The following CES5A variants were observed in gnomAD, a reference collection of about 807,000 sequenced individuals.
The protein encoded by CES5A is carboxylesterase 5.
CES5A carries 67 observed loss-of-function variants against 62.9 expected under a neutral mutation model. The ratio of observed to expected loss-of-function variants is 1.07; its 90% CI spans 0.88 to 1.31. CES5A has a LOEUF of 1.31. CES5A is among the 50% of genes most tolerant of loss of function. The probability of loss-of-function intolerance (pLI) is 0.00; values close to 1 mark genes in which losing one functional copy is unlikely to be tolerated. For missense variants in CES5A, 748 were observed against 708.5 expected (o/e 1.06, Z -0.63); for synonymous variants, 296 against 280.8 (o/e 1.05, Z -0.54).
intron 1 of CES5A, among the ~76,000 whole-genome samples, chr16:55,896,414 T>C (rs1163068407): frequency 6.6e-6 from 1 of 152,234 alleles, no homozygotes; most frequent in African/African-American, 2.4e-5. Context: ...ACATGCCTGC[T>C]CCTTTTCCAC....
At chr16:55,858,592 T>C (rs1262716496) in intron 8 of CES5A, among the ~76,000 whole-genome samples, 2 of 152,212 alleles carry the variant, frequency 1.3e-5, no homozygotes, top group Non-Finnish European at 2.9e-5. Flanking sequence ...AAATTAATAA[T>C]GGCAGAACAT....
At chr16:55,891,714 T>A (rs569126803) in intron 1 of CES5A, among the ~76,000 whole-genome samples, 4 of 152,330 alleles carry the variant, frequency 2.6e-5, no homozygotes, top group African/African-American at 9.6e-5. Context: ...GCCTAAACAG[T>A]TCCCAGCTTG....
At chr16:55,881,142 C>T (rs560598735) in intron 1 of CES5A, among the ~76,000 whole-genome samples, 1 of 152,290 alleles carries the variant, frequency 6.6e-6, no homozygotes, top group South Asian at 2.1e-4. Context: ...CTAGGAGACA[C>T]AAGACACTTG....
intron 1 of CES5A, among the ~76,000 whole-genome samples, chr16:55,951,018 C>T (rs2034550645): frequency 7.2e-6 from 1 of 138,080 alleles, no homozygotes; most frequent in African/African-American, 2.7e-5. Flanking sequence ...AGGAGAATGG[C>T]ATGAACCTGG....
At chr16:55,874,461 T>G (rs188093164) in intron 1 of CES5A, among the ~76,000 whole-genome samples, 3 of 151,274 alleles carry the variant, frequency 2.0e-5, no homozygotes, top group Non-Finnish European at 4.4e-5. Flanking sequence ...GTGCAGCACC[T>G]GCATGATTGC....
chr16:55,871,121 T>C (rs2033574687), intron 3 of CES5A, among the ~76,000 whole-genome samples: 1 of 152,184 alleles, frequency 6.6e-6, no homozygotes. Flanking sequence ...CAGTTTCCCC[T>C]GGCAGAGGCA....
chr16:55,885,492 A>G (rs2033806250), intron 1 of CES5A, among the ~76,000 whole-genome samples: 2 of 152,124 alleles, frequency 1.3e-5, no homozygotes. Flanking sequence ...GAGCTGCCAG[A>G]CTGTGATAGA....
intron 1 of CES5A, among the ~76,000 whole-genome samples, chr16:55,898,322 T>A (rs1366577852): frequency 1.3e-5 from 2 of 152,198 alleles, no homozygotes; most frequent in Non-Finnish European, 2.9e-5. Flanking sequence ...GGTGGGTAGA[T>A]CTGCAAGATA....
At chr16:55,849,916 A>AGGAAGG in intron 10 of CES5A, 143 bp from the exon 11 acceptor site, 3 of 837,688 alleles carry the variant, frequency 3.6e-6, no homozygotes, top group African/African-American at 1.7e-5. Context: ...TCCTCATTTG[A>AGGAAGG]GGCTGGAATT....
chr16:55,928,431 G>T (rs1252385762), upstream of CES5A, among the ~76,000 whole-genome samples: 3 of 152,124 alleles, frequency 2.0e-5, no homozygotes, highest in Non-Finnish European at 4.4e-5. Context: ...GGAAGGGTGG[G>T]AGGGGGATAA....
intron 1 of CES5A, among the ~76,000 whole-genome samples, chr16:55,889,412 CATGACCCCTCCTTAGATTCA>C (rs2033851122): frequency 6.6e-6 from 1 of 152,174 alleles, no homozygotes; most frequent in Admixed American, 6.5e-5. Context: ...TTGGGATTCC[CATGACCCCTCCTTAGATTCA>C]ATTAATTTGC....
At chr16:55,952,945 A>G (rs899228443) in intron 1 of CES5A, among the ~76,000 whole-genome samples, 1 of 152,186 alleles carries the variant, frequency 6.6e-6, no homozygotes, top group Non-Finnish European at 1.5e-5. Context: ...AAAAGTGGGC[A>G]AGGAAAACAT....
intron 1 of CES5A, among the ~76,000 whole-genome samples, chr16:55,954,895 G>A (rs1400987335): frequency 2.6e-5 from 4 of 152,094 alleles, no homozygotes; most frequent in African/African-American, 4.8e-5. Flanking sequence ...AGAGAGCAAT[G>A]GCAAAGCCTG....
intron 1 of CES5A, among the ~76,000 whole-genome samples, chr16:55,916,636 C>T (rs2034151020): frequency 6.6e-6 from 1 of 152,210 alleles, no homozygotes; most frequent in Middle Eastern, 3.2e-3. Context: ...AGTTCCCTAA[C>T]ACCACCCTCT....
chr16:55,922,967 G>A (rs1284355385), intron 1 of CES5A, among the ~76,000 whole-genome samples: 2 of 151,302 alleles, frequency 1.3e-5, no homozygotes, highest in African/African-American at 4.9e-5. Context: ...AGTTAAGAAG[G>A]AATTTAAAAA....
At chr16:55,884,383 C>G (rs1278311793) in intron 1 of CES5A, among the ~76,000 whole-genome samples, 2 of 152,224 alleles carry the variant, frequency 1.3e-5, no homozygotes, top group African/African-American at 4.8e-5. Context: ...AGGTCAAACC[C>G]TCTTGTCTGA....
chr16:55,868,080 C>T (rs181871027), intron 4 of CES5A, among the ~76,000 whole-genome samples: 7 of 152,314 alleles, frequency 4.6e-5, no homozygotes, highest in Non-Finnish European at 8.8e-5. Flanking sequence ...CCATGTATGG[C>T]CTGGCATTCA....
intron 1 of CES5A, among the ~76,000 whole-genome samples, chr16:55,922,240 A>G (rs2034212665): frequency 6.6e-6 from 1 of 151,946 alleles, no homozygotes; most frequent in South Asian, 2.1e-4. Context: ...TCCCCAATTA[A>G]AAGACATAGT....
intron 8 of CES5A, 73 bp from the exon 9 acceptor site, chr16:55,856,518 G>T (rs1192660703): frequency 6.1e-5 from 87 of 1,433,288 alleles, no homozygotes; most frequent in Non-Finnish European, 8.3e-5. Context: ...AAGGGCCTGG[G>T]CAGCTGACTT....
Sources: allele counts gnomAD v4.1 joint callset (sites outside exome capture counted in the v4.1 genomes callset), GRCh38; gene constraint gnomAD v4.1.1; transcripts MANE v1.5; gene names NCBI Gene and HGNC (gene_info 2026-07-23, HGNC 2026-07-21).